The following SLC39A10 variants were observed in gnomAD, a reference collection of about 807,000 sequenced individuals.
SLC39A10 encodes zinc transporter ZIP10.
SLC39A10 carries 13 observed loss-of-function variants against 65.1 expected under a neutral mutation model. The observed-to-expected ratio is 0.20, with a 90% CI of 0.13 to 0.32. The LOEUF (loss-of-function observed/expected upper bound fraction) is 0.32. Ranked by LOEUF, SLC39A10 falls within the 10% of genes least tolerant of loss-of-function variation. The pLI, the probability that SLC39A10 is intolerant of heterozygous loss-of-function variation, is 1.00. For synonymous variants in SLC39A10, 321 were observed against 342.2 expected, an observed-to-expected ratio of 0.94 and a Z score of 0.68; for missense variants, 831 against 1,018.4, an observed-to-expected ratio of 0.82 and a Z score of 2.50.
chr2:195,672,393 A>G (rs1343343262), intron 1 of SLC39A10, among the ~76,000 whole-genome samples: 1 of 152,130 alleles, frequency 6.6e-6, no homozygotes, highest in African/African-American at 2.4e-5. Flanking sequence ...GCCTCCTACT[A>G]AAGTGCCAGG....
At chr2:195,694,296 G>A (rs1397941551) in intron 3 of SLC39A10, among the ~76,000 whole-genome samples, 1 of 152,140 alleles carries the variant, frequency 6.6e-6, no homozygotes, top group Non-Finnish European at 1.5e-5. Flanking sequence ...AGAATGTTCT[G>A]TAAATATCTG....
chr2:195,628,761 T>C (rs183662958), intron 2 of SLC39A10, among the ~76,000 whole-genome samples: 80 of 152,300 alleles, frequency 5.3e-4, no homozygotes, highest in South Asian at 4.1e-3. Context: ...GTTCCTCCCA[T>C]TTTCCAGGCG....
rs1407947842 is a variant in SLC39A10, at chr2:195,683,797, T to C, written c.1107T>C (p.Tyr369=). 1.2e-6 allele frequency: 2 copies of C among 1,613,422 alleles called. No homozygotes were observed. Among genetic ancestry groups the C allele is most frequent in the Non-Finnish European group, 1.7e-6 (2 of 1,179,474 alleles). Residue 369 remains tyrosine (Y), a synonymous_variant, in exon 3 of 10, where the codon TAT becomes TAC. Transcript: ENST00000359634. ...LFTYLCPALL[Y]QIDSRLCIEH... The stretch of plus-strand genomic sequence containing the variant: ...CATACCTTTGCCCTGCATTGTTATA[T>C]CAAATCGACAGCAGACTTTGTATTG...
At chr2:195,702,802 A>C (rs949065905) in intron 3 of SLC39A10, among the ~76,000 whole-genome samples, 2 of 152,222 alleles carry the variant, frequency 1.3e-5, no homozygotes, top group African/African-American at 4.8e-5. Context: ...AGTTTGTTCA[A>C]CTTTAATTTT....
intron 9 of SLC39A10, among the ~76,000 whole-genome samples, chr2:195,729,256 A>T (rs7580789): frequency 0.18 from 26,754 of 152,176 alleles, 2,756 homozygotes; most frequent in African/African-American, 0.27. Flanking sequence ...TGCTGGGATT[A>T]CAAGTGTGAG....
At chr2:195,725,138 A>G (rs947777756) in intron 8 of SLC39A10, among the ~76,000 whole-genome samples, 1 of 152,156 alleles carries the variant, frequency 6.6e-6, no homozygotes, top group South Asian at 2.1e-4. Context: ...AGAAAAAACA[A>G]TGAACTCAAA....
intron 3 of SLC39A10, among the ~76,000 whole-genome samples, chr2:195,701,435 CT>C (rs66525117): frequency 0.19 from 1,054 of 5,496 alleles, 84 homozygotes; most frequent in South Asian, 0.3. Flanking sequence ...TTCTGTGATT[CT>C]TTTTTTTTTT....
intron 5 of SLC39A10, 70 bp downstream of exon 5, chr2:195,708,914 A>G: frequency 1.8e-6 from 2 of 1,108,854 alleles, no homozygotes; most frequent in Non-Finnish European, 2.5e-6. Flanking sequence ...TTCTGGGTAT[A>G]TGCTTTCCTT....
intron 2 of SLC39A10, among the ~76,000 whole-genome samples, chr2:195,643,318 G>C (rs1688846666): frequency 6.6e-6 from 1 of 152,166 alleles, no homozygotes; most frequent in Non-Finnish European, 1.5e-5. Flanking sequence ...CTTCTTGGCA[G>C]AGAAAAGGAG....
chr2:195,677,694 A>G (rs1429038763), intron 1 of SLC39A10, among the ~76,000 whole-genome samples: 1 of 147,380 alleles, frequency 6.8e-6, no homozygotes, highest in Non-Finnish European at 1.5e-5. Context: ...TGTGTGATAG[A>G]TTTTTCTGTT....
intron 3 of SLC39A10, among the ~76,000 whole-genome samples, chr2:195,692,915 G>A (rs1265469585): frequency 1.3e-5 from 2 of 152,016 alleles, no homozygotes; most frequent in Non-Finnish European, 2.9e-5. Flanking sequence ...CGGTTCTCAG[G>A]GAATGCTTTC....
chr2:195,625,066 A>G (rs995116801), intron 2 of SLC39A10, among the ~76,000 whole-genome samples: 1 of 146,586 alleles, frequency 6.8e-6, no homozygotes, highest in Non-Finnish European at 1.5e-5. Flanking sequence ...AAAATACAAA[A>G]ATTACCCGGG....
intron 2 of SLC39A10, among the ~76,000 whole-genome samples, chr2:195,643,854 T>C (rs1276706242): frequency 2.0e-4 from 31 of 152,256 alleles, no homozygotes; most frequent in Non-Finnish European, 1.5e-5. Flanking sequence ...AGTTTTGTAT[T>C]TGCTGTTTCC....
At chr2:195,633,656 C>T (rs775221564) in intron 2 of SLC39A10, among the ~76,000 whole-genome samples, 12 of 152,090 alleles carry the variant, frequency 7.9e-5, no homozygotes, top group Admixed American at 3.9e-4. Flanking sequence ...TGCCTCTCAG[C>T]GGGAAGAGGA....
intron 5 of SLC39A10, among the ~76,000 whole-genome samples, chr2:195,712,350 G>T (rs1006430835): frequency 1.3e-5 from 2 of 152,240 alleles, no homozygotes; most frequent in African/African-American, 4.8e-5. Context: ...GGGCAGGGGG[G>T]TAGATTCCAT....
At chr2:195,669,331 T>C (rs1018800103) in intron 1 of SLC39A10, among the ~76,000 whole-genome samples, 2 of 152,178 alleles carry the variant, frequency 1.3e-5, no homozygotes, top group African/African-American at 4.8e-5. Flanking sequence ...GGTTTCAAGA[T>C]ACACAAATAT....
chr2:195,733,286 A>G (rs1692484556), intron 9 of SLC39A10, among the ~76,000 whole-genome samples: 1 of 152,236 alleles, frequency 6.6e-6, no homozygotes, highest in Non-Finnish European at 1.5e-5. Context: ...GTAGATAATG[A>G]CTGCAAATTT....
At chr2:195,644,640 C>G (rs554748126) in intron 2 of SLC39A10, among the ~76,000 whole-genome samples, 2 of 151,584 alleles carry the variant, frequency 1.3e-5, no homozygotes, top group South Asian at 2.1e-4. Flanking sequence ...GGCCCCTCAA[C>G]TAAAAAATTA....
intron 3 of SLC39A10, among the ~76,000 whole-genome samples, chr2:195,704,589 C>G (rs962859188): frequency 1.3e-5 from 2 of 152,112 alleles, no homozygotes; most frequent in Non-Finnish European, 2.9e-5. Context: ...TAAGTTCTTC[C>G]ACTGATTTTA....
Sources: allele counts gnomAD v4.1 joint callset (sites outside exome capture counted in the v4.1 genomes callset), GRCh38; gene constraint gnomAD v4.1.1; transcripts MANE v1.5; gene names NCBI Gene and HGNC (gene_info 2026-07-23, HGNC 2026-07-21).